The following SEL1L2 variants were observed in gnomAD, a reference collection of about 807,000 sequenced individuals.
SEL1L2 encodes SEL1L2 adaptor subunit of SYVN1 ubiquitin ligase.
SEL1L2 carries 89 observed loss-of-function variants against 98.8 expected under a neutral mutation model. The observed-to-expected ratio is 0.90, with a 90% CI of 0.76 to 1.07. The LOEUF is 1.07. SEL1L2 is among the 50% of genes least tolerant of loss of function. SEL1L2 has a pLI of 0.00. For synonymous variants in SEL1L2, 262 were observed against 278.5 expected (o/e 0.94, Z 0.59); for missense variants, 788 against 812.0 (o/e 0.97, Z 0.36).
chr20:13,864,615 C>T (rs1219503117), intron 17 of SEL1L2, among the ~76,000 whole-genome samples: 5 of 152,028 alleles, frequency 3.3e-5, no homozygotes, highest in East Asian at 1.9e-4. Context: ...CATGGAAACT[C>T]GAGGAAAAGC....
At position 13,901,225 on chromosome 20, in the gene SEL1L2, C is replaced by G. The variant is rs538550689; in HGVS notation, c.549+12557G>C. On this transcript the variant is annotated intron_variant, in intron 5 of 19. Coordinates refer to ENST00000284951, the MANE Select transcript of SEL1L2 (RefSeq NM_025229.2). ...AGCTGGGACTACAGGCGCCTGCCCC[C>G]ATGCCCGGCTAATTTTTTGTATTTT... 7.1e-3 allele frequency among the ~76,000 whole-genome samples: 1,082 copies of G among 152,048 alleles called. 11 individuals carry two copies. Among genetic ancestry groups the G allele is most frequent in the Middle Eastern group, 0.017 (5 of 292 alleles).
At chr20:13,982,388 G>A (rs574449214) in intron 1 of SEL1L2, among the ~76,000 whole-genome samples, 6 of 151,526 alleles carry the variant, frequency 4.0e-5, no homozygotes, top group Admixed American at 3.9e-4. Context: ...GTGCATGCCT[G>A]AGGTCCCAGC....
At chr20:13,966,413 G>A (rs2051045001) in intron 1 of SEL1L2, among the ~76,000 whole-genome samples, 1 of 152,020 alleles carries the variant, frequency 6.6e-6, no homozygotes, top group African/African-American at 2.4e-5. Flanking sequence ...CTGCCTCCTA[G>A]GTTCAAGCGA....
chr20:13,880,415 T>C (rs2046639314), intron 10 of SEL1L2, among the ~76,000 whole-genome samples: 1 of 152,258 alleles, frequency 6.6e-6, no homozygotes, highest in Non-Finnish European at 1.5e-5. Flanking sequence ...TCCACTGTCA[T>C]GGCTTACTTA....
chr20:13,890,581 C>T (rs114322095), intron 5 of SEL1L2, among the ~76,000 whole-genome samples: 4,874 of 151,724 alleles, frequency 0.032, 98 homozygotes, highest in African/African-American at 0.045. Context: ...GTGCACAAAT[C>T]GTAGCAAAAT....
intron 10 of SEL1L2, among the ~76,000 whole-genome samples, chr20:13,879,000 A>C (rs972090873): frequency 1.3e-5 from 2 of 152,216 alleles, no homozygotes; most frequent in Admixed American, 1.3e-4. Flanking sequence ...TAATCTTCAC[A>C]ATAGCACCAT....
intron 2 of SEL1L2, among the ~76,000 whole-genome samples, chr20:13,939,227 T>C (rs1285124001): frequency 6.6e-6 from 1 of 151,724 alleles, no homozygotes; most frequent in African/African-American, 2.4e-5. Flanking sequence ...GTATCTTTAG[T>C]AGAGATGGGG....
At chr20:13,858,967 C>T (rs542182960) in intron 18 of SEL1L2, among the ~76,000 whole-genome samples, 2 of 152,322 alleles carry the variant, frequency 1.3e-5, no homozygotes, top group East Asian at 3.9e-4. Context: ...ACAGGGCCTA[C>T]TGGAAAAAGC....
At chr20:13,883,609 G>A (rs1049628518) in intron 10 of SEL1L2, among the ~76,000 whole-genome samples, 2 of 152,232 alleles carry the variant, frequency 1.3e-5, no homozygotes, top group Non-Finnish European at 2.9e-5. Flanking sequence ...GCTCCTGGGT[G>A]ACACTCAGCT....
intron 1 of SEL1L2, among the ~76,000 whole-genome samples, chr20:13,971,358 AATCT>A (rs2051275276): frequency 6.6e-6 from 1 of 152,114 alleles, no homozygotes; most frequent in Non-Finnish European, 1.5e-5. Flanking sequence ...CAAGCATTTG[AATCT>A]ATATTTTAAT....
intron 5 of SEL1L2, among the ~76,000 whole-genome samples, chr20:13,897,716 G>A (rs1005755210): frequency 6.6e-6 from 1 of 151,830 alleles, no homozygotes; most frequent in Non-Finnish European, 1.5e-5. Context: ...ACCACAATAA[G>A]AGCCCGGGCA....
chr20:13,944,945 G>A (rs1001400883), intron 2 of SEL1L2, among the ~76,000 whole-genome samples: 1 of 152,110 alleles, frequency 6.6e-6, no homozygotes, highest in African/African-American at 2.4e-5. Flanking sequence ...AGGTTTGCTG[G>A]GAAACACTGA....
intron 14 of SEL1L2, 34 bp from the exon 15 acceptor site, chr20:13,866,884 T>A: frequency 6.4e-7 from 1 of 1,562,288 alleles, no homozygotes; most frequent in Non-Finnish European, 8.6e-7. Context: ...CCACCCCTTA[T>A]TGACTTTATT....
chr20:13,884,355 G>T (rs1194598317), intron 10 of SEL1L2, among the ~76,000 whole-genome samples: 1 of 152,022 alleles, frequency 6.6e-6, no homozygotes, highest in East Asian at 1.9e-4. Flanking sequence ...GTGATGTAGG[G>T]CCTTGAAACC....
intron 1 of SEL1L2, 124 bp from the exon 2 acceptor site, chr20:13,956,255 A>C: frequency 1.8e-6 from 1 of 560,316 alleles, no homozygotes; most frequent in Non-Finnish European, 3.1e-6. Context: ...AATTGTTGAC[A>C]ATAATTTATA....
At chr20:13,967,747 G>A (rs1213535945) in intron 1 of SEL1L2, among the ~76,000 whole-genome samples, 3 of 145,470 alleles carry the variant, frequency 2.1e-5, no homozygotes, top group African/African-American at 5.3e-5. Context: ...AGAGGGTGAC[G>A]GGTATTATTG....
chr20:13,920,982 G>C (rs2048642165), intron 3 of SEL1L2, among the ~76,000 whole-genome samples: 1 of 152,066 alleles, frequency 6.6e-6, no homozygotes. Context: ...ATTAAAGGGG[G>C]AAAATAATGG....
At chr20:13,968,886 CTG>C (rs1367570859) in intron 1 of SEL1L2, among the ~76,000 whole-genome samples, 2 of 152,118 alleles carry the variant, frequency 1.3e-5, no homozygotes, top group Admixed American at 6.6e-5. Flanking sequence ...GTTGAAAAAA[CTG>C]TTGTATTTCT....
intron 13 of SEL1L2, among the ~76,000 whole-genome samples, chr20:13,869,884 T>G (rs1568857043): frequency 6.6e-6 from 1 of 152,190 alleles, no homozygotes; most frequent in East Asian, 1.9e-4. Context: ...AATAAAGTCC[T>G]CAGAGGATAG....
Sources: allele counts gnomAD v4.1 joint callset (sites outside exome capture counted in the v4.1 genomes callset), GRCh38; gene constraint gnomAD v4.1.1; transcripts MANE v1.5; gene names NCBI Gene and HGNC (gene_info 2026-07-23, HGNC 2026-07-21).